Variants in PIK3R6 observed in about 807,000 individuals in gnomAD.
The protein encoded by PIK3R6 is phosphoinositide 3-kinase regulatory subunit 6.
PIK3R6 carries 91 observed loss-of-function variants against 84.9 expected under a neutral mutation model. The ratio of observed to expected loss-of-function variants is 1.07; its 90% CI spans 0.90 to 1.28. PIK3R6 has a LOEUF of 1.28. Ranked by LOEUF, PIK3R6 falls within the 50% of genes most tolerant of loss-of-function variation. PIK3R6 has a pLI of 0.00. For missense variants in PIK3R6, 996 were observed against 985.1 expected (o/e 1.01, Z -0.15); for synonymous variants, 416 against 411.4 (o/e 1.01, Z -0.13).
Position 8,836,889 on chromosome 17 carries a change from A to G in PIK3R6, c.293T>C (p.Ile98Thr). Residue 98 changes from isoleucine (I) to threonine (T), a missense_variant, in exon 6 of 20, where the codon ATC (isoleucine) becomes ACC (threonine). Physicochemically the swap from Ile to Thr is moderately conservative, Grantham distance 89 (BLOSUM62 -1). Transcript: ENST00000619866. ...TGITEELYQR[I>T]YAFCTRLLTL... ...CAGTAACCTTGTGCAAAAGGCATAG[A>G]TTCTCTGGTAGAGCTCTTCTGTGAT... 3 of 1,475,446 alleles carry G rather than the reference A, an allele frequency of 2.0e-6. No homozygotes were observed. Among genetic ancestry groups the G allele is most frequent in the Non-Finnish European group, 2.7e-6 (3 of 1,097,988 alleles). 91.4% of individuals were successfully genotyped at this position (1,475,446 alleles called of 1,614,324 possible).
intron 8 of PIK3R6, among the ~76,000 whole-genome samples, chr17:8,833,559 T>TTTTTTTTG (rs2088337628): frequency 6.6e-6 from 1 of 150,702 alleles, no homozygotes. Flanking sequence ...TTTTTTTTTT[T>TTTTTTTTG]GAGACGGAGT....
intron 17 of PIK3R6, 50 bp from the exon 18 acceptor site, chr17:8,819,248 G>C: frequency 7.3e-7 from 1 of 1,363,776 alleles, no homozygotes; most frequent in Non-Finnish European, 1.0e-6. Flanking sequence ...AAGTAGGGGA[G>C]TTTGATATTC....
rs548538893 is a variant in PIK3R6, at chr17:8,819,809, C to T, written c.1880-611G>A. 4.7e-3 allele frequency among the ~76,000 whole-genome samples: 684 copies of T among 144,662 alleles called. 10 individuals are homozygous for T. Among genetic ancestry groups the T allele is most frequent in the African/African-American group, 0.016 (638 of 39,242 alleles). The allele number at this position is 144,662 out of a possible 152,430, so 94.9% of individuals were successfully genotyped here. ...ATATATGTGTATATATAGACACACA[C>T]GTATATACATATATACGTATATACA... On this transcript the variant is annotated intron_variant, in intron 17 of 19. Coordinates refer to ENST00000619866, the MANE Select transcript of PIK3R6 (RefSeq NM_001010855.4).
intron 2 of PIK3R6, among the ~76,000 whole-genome samples, chr17:8,846,664 G>A (rs964728148): frequency 7.2e-5 from 11 of 151,994 alleles, no homozygotes; most frequent in African/African-American, 2.7e-4. Context: ...ACTTCTGCTT[G>A]TAAAGATCTT....
intron 9 of PIK3R6, among the ~76,000 whole-genome samples, chr17:8,832,452 G>A (rs1356981301): frequency 7.4e-6 from 1 of 134,968 alleles, no homozygotes; most frequent in Non-Finnish European, 1.5e-5. Context: ...GTGTGATCTC[G>A]GCTCACTGCA....
At chr17:8,815,505 AG>A (rs201808430) in intron 18 of PIK3R6, among the ~76,000 whole-genome samples, 2,365 of 144,346 alleles carry the variant, frequency 0.016, 91 homozygotes, top group African/African-American at 0.063. Context: ...ACTCAGTCTC[AG>A]AAAAAAAAAA....
intron 18 of PIK3R6, among the ~76,000 whole-genome samples, chr17:8,817,300 CT>C (rs370645710): frequency 0.023 from 3,450 of 152,178 alleles, 129 homozygotes; most frequent in African/African-American, 0.076. Flanking sequence ...ACTTTTTGTG[CT>C]TTTTTTATAT....
chr17:8,827,082 C>T (rs1055275297), intron 13 of PIK3R6, 90 bp downstream of exon 13: 3 of 1,449,356 alleles, frequency 2.1e-6, no homozygotes, highest in Admixed American at 2.1e-5. Flanking sequence ...ATTTCACCCT[C>T]GCTGCCTACT....
At chr17:8,859,195 AG>A (rs2089213239) in intron 1 of PIK3R6, among the ~76,000 whole-genome samples, 1 of 152,144 alleles carries the variant, frequency 6.6e-6, no homozygotes, top group Non-Finnish European at 1.5e-5. Flanking sequence ...TGGGTGGCTG[AG>A]GTTGGTGAGT....
At chr17:8,847,256 T>A (rs935364593) in intron 2 of PIK3R6, among the ~76,000 whole-genome samples, 5 of 151,994 alleles carry the variant, frequency 3.3e-5, no homozygotes, top group Non-Finnish European at 7.4e-5. Flanking sequence ...GGGCCCCCAG[T>A]ACCCAGATGC....
At chr17:8,836,482 A>C in intron 7 of PIK3R6, 65 bp downstream of exon 7, 1 of 1,548,578 alleles carries the variant, frequency 6.5e-7, no homozygotes, top group African/African-American at 1.4e-5. Flanking sequence ...CCTGCCAGGG[A>C]GCAGTCACTA....
chr17:8,847,539 G>A (rs1483734315), intron 2 of PIK3R6, among the ~76,000 whole-genome samples: 3 of 152,240 alleles, frequency 2.0e-5, no homozygotes, highest in Non-Finnish European at 4.4e-5. Flanking sequence ...AGTGGCTCAC[G>A]CCTGTAATCC....
rs1163043297 is a variant in PIK3R6, at chr17:8,823,013, T to C, written c.1700A>G (p.Asp567Gly). The change falls in exon 15 of 20, where the codon GAT (aspartate) becomes GGT (glycine). Residue 567 changes from aspartate (D) to glycine (G), a missense_variant. Transcript: ENST00000619866. The part of the protein sequence containing the change: ...FLIELKVKIQ[D>G]SKFPKDGFSP... ...ATGCTTACCTTTGGGGAATTTAGAA[T>C]CTTGGATCTTCACCTTCAGTTCAAT... 14 of 1,607,764 alleles carry C rather than the reference T, an allele frequency of 8.7e-6. No individual in the cohort carries two copies. Among genetic ancestry groups the C allele is most frequent in the Non-Finnish European group, 1.1e-5 (13 of 1,174,398 alleles).
Position 8,838,659 on chromosome 17 carries a change from G to T in PIK3R6, c.98-4C>A. On this transcript the variant is annotated splice_polypyrimidine_tract_variant and splice_region_variant and intron_variant, in intron 3 of 19. Transcript: ENST00000619866. Reference sequence around the variant, plus strand: ...TGCAGGGACCACCTCCACATGCCTGGGCCAGGAGAAAGGGGAGCCCGGCAT... The same window carrying T: ...TGCAGGGACCACCTCCACATGCCTGTGCCAGGAGAAAGGGGAGCCCGGCAT... The T allele has an allele frequency of 6.3e-7, 1 of 1,593,884 alleles. No individual in the cohort carries two copies. The highest frequency in any genetic ancestry group is 8.5e-7 in the Non-Finnish European group (1 of 1,170,154).
chr17:8,829,611 G>GAC (rs771529054), intron 10 of PIK3R6, 95 bp downstream of exon 10: 2 of 1,221,984 alleles, frequency 1.6e-6, no homozygotes, highest in African/African-American at 1.8e-5. Context: ...TACACACACT[G>GAC]ACACACGCAT....
At position 8,812,010 on chromosome 17, in the gene PIK3R6, C is replaced by T. The variant is rs150503858; in HGVS notation, c.1995+7073G>A. On this transcript the variant is annotated intron_variant, in intron 18 of 19. Transcript: ENST00000619866. ...TTACAAAAGAAAGATGTTTAATGGA[C>T]TTACAGTTCCACATGGCTGGGGAGG... Among the ~76,000 whole-genome samples the T allele has an allele frequency of 2.4e-3, 364 of 152,198 alleles. 2 individuals are homozygous for T. Among genetic ancestry groups the T allele is most frequent in the African/African-American group, 8.5e-3 (351 of 41,502 alleles).
chr17:8,826,044 G>A (rs2151221404), intron 13 of PIK3R6, among the ~76,000 whole-genome samples: 1 of 152,338 alleles, frequency 6.6e-6, no homozygotes, highest in African/African-American at 2.4e-5. Context: ...GTGCTCTGGA[G>A]TCAAGCTGCC....
At chr17:8,806,470 A>G (rs908022749) in intron 18 of PIK3R6, among the ~76,000 whole-genome samples, 64 of 151,832 alleles carry the variant, frequency 4.2e-4, no homozygotes, top group Non-Finnish European at 6.8e-4. Context: ...GATGCCTTTC[A>G]TTTCCCTTTG....
Position 8,822,607 on chromosome 17 carries a change from G to A in PIK3R6, c.1768C>T (p.Leu590Phe), listed in dbSNP as rs2087776910. ...CTGACCTTCTGGTAGCATAGGGAGAGCTCTGCCCCTGGGCCCTCAGCCACG... is the reference window on the plus strand; with the variant it reads ...CTGACCTTCTGGTAGCATAGGGAGAACTCTGCCCCTGGGCCCTCAGCCACG... ...RGVAEGPGAELSLCYQKALLS... is the reference protein window; with the variant it reads ...RGVAEGPGAEFSLCYQKALLS... The change falls in exon 16 of 20, where the codon CTC (leucine) becomes TTC (phenylalanine). Residue 590 changes from leucine (L) to phenylalanine (F), a missense_variant. Transcript: ENST00000619866. 8.1e-6 allele frequency: 13 copies of A among 1,613,900 alleles called. No homozygotes were observed. Among genetic ancestry groups the A allele is most frequent in the Admixed American group, 1.7e-5 (1 of 60,006 alleles).
Sources: gnomAD v4.1 joint callset for allele counts (sites outside exome capture counted in the v4.1 genomes callset) on GRCh38, gnomAD v4.1.1 for gene constraint, MANE v1.5 for transcripts, NCBI Gene and HGNC (gene_info 2026-07-23, HGNC 2026-07-21) for gene names.